Variants in GLYATL1 observed in about 807,000 individuals in gnomAD.
GLYATL1 encodes glycine N-acyltransferase-like protein 1.
In GLYATL1, 15 loss-of-function variants were observed where a neutral mutation model predicts 20.0. The ratio of observed to expected loss-of-function variants is 0.75; its 90% CI spans 0.50 to 1.15. The LOEUF (loss-of-function observed/expected upper bound fraction) is 1.15. Among genes scored for constraint, GLYATL1 ranks in the 50% most tolerant of loss-of-function variants. The probability of loss-of-function intolerance (pLI) is 0.00; values close to 1 mark genes in which losing one functional copy is unlikely to be tolerated. For missense variants in GLYATL1, 380 were observed against 368.5 expected (o/e 1.03, Z -0.26); for synonymous variants, 151 against 131.5 (o/e 1.15, Z -1.01).
chr11:58,912,125 A>G (rs1855060461), downstream of GLYATL1, among the ~76,000 whole-genome samples: 1 of 152,090 alleles, frequency 6.6e-6, no homozygotes, highest in Admixed American at 6.5e-5. Context: ...TTCTCCATTT[A>G]TTTTTGTCTT....
chr11:58,938,851 A>G (rs1427979383), upstream of GLYATL1, among the ~76,000 whole-genome samples: 2 of 152,168 alleles, frequency 1.3e-5, no homozygotes, highest in Non-Finnish European at 2.9e-5. Flanking sequence ...TCTGCTCTGG[A>G]ACTGAAGTGT....
intron 4 of GLYATL1, among the ~76,000 whole-genome samples, chr11:58,954,526 A>G (rs1460446719): frequency 6.6e-6 from 1 of 152,180 alleles, no homozygotes; most frequent in African/African-American, 2.4e-5. Flanking sequence ...TTAGTTCTGC[A>G]TGTGATAAGG....
At chr11:58,949,782 G>T (rs902890678) in intron 4 of GLYATL1, among the ~76,000 whole-genome samples, 2 of 151,920 alleles carry the variant, frequency 1.3e-5, no homozygotes, top group African/African-American at 2.4e-5. Context: ...TTTCAGTATT[G>T]AAAGTCAATC....
rs186423963 is a variant in GLYATL1 at position 58,945,504 on chromosome 11, T to C, written c.-42-1542T>C. ...GATTGGCAGCTGATAGGTGTGGGGA[T>C]TGTTCTCATGTATCAGCCCAGGATA... On this transcript the variant is annotated intron_variant, in intron 2 of 6. Coordinates refer to ENST00000532726, the MANE Select transcript of GLYATL1 (RefSeq NM_001389712.2). Among the ~76,000 whole-genome samples, 442 of 152,296 alleles carry C rather than the reference T, an allele frequency of 2.9e-3. 2 individuals are homozygous for C. The highest frequency in any genetic ancestry group is 9.4e-3 in the African/African-American group (392 of 41,552).
rs932438307 is a variant in GLYATL1, at chr11:58,947,353, C to T, written c.78+188C>T. On this transcript the variant is annotated intron_variant, in intron 3 of 6. Coordinates refer to ENST00000532726, the MANE Select transcript of GLYATL1 (RefSeq NM_001389712.2). ...CTTTGGGAAGAGGCAGCTAGGTCCA[C>T]TCTGCAGGTTTTGCCACTCATTTGG... 90 of 761,704 alleles carry T rather than the reference C, an allele frequency of 1.2e-4. No individual in the cohort carries two copies. In the African/African-American group the frequency reaches 1.5e-3, roughly 13 times the overall value. 47.2% of individuals were successfully genotyped at this position (761,704 alleles called of 1,614,324 possible). A position where few individuals can be genotyped will look rare whatever the true frequency, so the allele number is the denominator to read the frequency against.
chr11:58,940,135 G>T (rs1856036034), intron 1 of GLYATL1, among the ~76,000 whole-genome samples: 5 of 152,222 alleles, frequency 3.3e-5, no homozygotes, highest in Admixed American at 3.3e-4. Flanking sequence ...TGGGAAAGTG[G>T]GTTGGAGTTC....
chr11:58,914,484 A>T (rs1855122426), intron 1 of GLYATL1, among the ~76,000 whole-genome samples: 1 of 152,190 alleles, frequency 6.6e-6, no homozygotes, highest in Non-Finnish European at 1.5e-5. Context: ...GCATAAGGTA[A>T]GCTAATATCA....
At position 58,951,656 on chromosome 11, in the gene GLYATL1, CT is replaced by C. The variant is rs200944121; in HGVS notation, c.187-3107del. Among the ~76,000 whole-genome samples, 133 of 152,098 alleles carry C rather than the reference CT, an allele frequency of 8.7e-4. 2 individuals are homozygous for C. The East Asian group carries it at 0.025, about 28-fold the overall frequency. ...ATCAAGAAATATGGTCTTTTTCTCA[CT>C]TTTTTTCAGTTTGCATTCTATGCCA... is the stretch of plus-strand genomic sequence containing the variant. On this transcript the variant is annotated intron_variant, in intron 4 of 6. Transcript: ENST00000532726.
At chr11:58,952,061 C>T (rs371422707) in intron 4 of GLYATL1, among the ~76,000 whole-genome samples, 1 of 87,908 alleles carries the variant, frequency 1.1e-5, no homozygotes, top group East Asian at 3.5e-4. Context: ...AATAATAGTT[C>T]TATACTTGTC....
chr11:58,939,262 C>T (rs1180622999), upstream of GLYATL1, among the ~76,000 whole-genome samples: 1 of 152,150 alleles, frequency 6.6e-6, no homozygotes, highest in Non-Finnish European at 1.5e-5. Context: ...TTTTTCTACA[C>T]ATTGTTACAT....
At chr11:58,955,055 T>A (rs904776971) in intron 5 of GLYATL1, 121 bp from the exon 6 acceptor site, 8 of 1,222,732 alleles carry the variant, frequency 6.5e-6, no homozygotes, top group Non-Finnish European at 8.1e-6. Flanking sequence ...AAGGACTCCA[T>A]CTGACTGTGG....
chr11:58,919,035 C>T (rs1855246475), intron 1 of GLYATL1, among the ~76,000 whole-genome samples: 1 of 152,184 alleles, frequency 6.6e-6, no homozygotes, highest in Non-Finnish European at 1.5e-5. Context: ...GGATGGGGCC[C>T]ATCCCATATG....
At chr11:58,912,123 T>G (rs1855060381), downstream of GLYATL1, among the ~76,000 whole-genome samples, 1 of 152,204 alleles carries the variant, frequency 6.6e-6, no homozygotes. Context: ...TATTCTCCAT[T>G]TATTTTTGTC....
upstream of GLYATL1, among the ~76,000 whole-genome samples, chr11:58,938,985 C>T (rs1275241801): frequency 2.6e-5 from 4 of 152,264 alleles, no homozygotes; most frequent in East Asian, 3.9e-4. Flanking sequence ...GACTTGAGGC[C>T]GACTGGAGCT....
intron 1 of GLYATL1, among the ~76,000 whole-genome samples, chr11:58,919,556 T>C (rs1238481936): frequency 6.6e-6 from 1 of 152,196 alleles, no homozygotes. Context: ...AATCTGGGAA[T>C]AATGTCTTTT....
intron 4 of GLYATL1, among the ~76,000 whole-genome samples, chr11:58,950,201 G>A (rs1484635369): frequency 6.6e-6 from 1 of 150,928 alleles, no homozygotes; most frequent in East Asian, 1.9e-4. Context: ...TGAGGCCGGA[G>A]AATGGCGTGA....
chr11:58,945,278 G>A (rs933973787), intron 2 of GLYATL1, among the ~76,000 whole-genome samples: 1 of 152,028 alleles, frequency 6.6e-6, no homozygotes, highest in Non-Finnish European at 1.5e-5. Flanking sequence ...GGTCTCCCCA[G>A]GTTTTTAGCA....
upstream of GLYATL1, among the ~76,000 whole-genome samples, chr11:58,926,580 C>T (rs1315941260): frequency 2.0e-5 from 3 of 152,206 alleles, no homozygotes; most frequent in African/African-American, 7.2e-5. Flanking sequence ...GACTACTGCT[C>T]TTCCATGTTT....
upstream of GLYATL1, among the ~76,000 whole-genome samples, chr11:58,938,715 G>A (rs1001441877): frequency 2.6e-5 from 4 of 152,180 alleles, no homozygotes; most frequent in African/African-American, 7.2e-5. Context: ...CACTCTGTCA[G>A]ATAGCATGTG....
Sources: gnomAD v4.1 joint callset for allele counts (sites outside exome capture counted in the v4.1 genomes callset) on GRCh38, gnomAD v4.1.1 for gene constraint, MANE v1.5 for transcripts, NCBI Gene and HGNC (gene_info 2026-07-23, HGNC 2026-07-21) for gene names.